Variants in LRGUK observed in about 807,000 individuals in gnomAD.
The protein encoded by LRGUK is leucine-rich repeat and guanylate kinase domain-containing protein.
A neutral mutation model predicts 76.0 loss-of-function variants in LRGUK; 65 were observed. That is an observed-to-expected ratio of 0.85 (90% confidence interval 0.70 to 1.05). The LOEUF is 1.05. Among genes scored for constraint, LRGUK ranks in the 50% least tolerant of loss-of-function variants. The probability of loss-of-function intolerance (pLI) is 0.00; values close to 1 mark genes in which losing one functional copy is unlikely to be tolerated. For missense variants in LRGUK, 758 were observed against 732.8 expected (o/e 1.03, Z -0.40); for synonymous variants, 268 against 265.6 (o/e 1.01, Z -0.09).
chr7:134,180,869 T>G (rs1799710823), intron 10 of LRGUK, among the ~76,000 whole-genome samples: 1 of 152,126 alleles, frequency 6.6e-6, no homozygotes, highest in Non-Finnish European at 1.5e-5. Flanking sequence ...AAACAGAAAC[T>G]CTGTACCCAT....
intron 19 of LRGUK, among the ~76,000 whole-genome samples, chr7:134,261,206 A>G (rs1041986356): frequency 2.0e-5 from 3 of 152,142 alleles, no homozygotes; most frequent in African/African-American, 7.2e-5. Context: ...ACTATATCAT[A>G]CTGCTGGCTC....
At chr7:134,242,039 G>A (rs2117194726) in intron 16 of LRGUK, among the ~76,000 whole-genome samples, 1 of 152,326 alleles carries the variant, frequency 6.6e-6, no homozygotes, top group African/African-American at 2.4e-5. Context: ...CAGAATCTGG[G>A]ACACATTCAA....
At chr7:134,130,324 A>C (rs1185772085) in intron 1 of LRGUK, among the ~76,000 whole-genome samples, 3 of 149,818 alleles carry the variant, frequency 2.0e-5, no homozygotes, top group African/African-American at 7.4e-5. Context: ...ATGAACCACC[A>C]GTGTACTTTG....
intron 3 of LRGUK, among the ~76,000 whole-genome samples, chr7:134,142,788 G>A (rs889371374): frequency 2.6e-5 from 4 of 152,318 alleles, no homozygotes; most frequent in African/African-American, 9.6e-5. Flanking sequence ...AGAGGCCGCA[G>A]GGATTGGTTA....
chr7:134,164,879 A>G (rs769265467), intron 7 of LRGUK, among the ~76,000 whole-genome samples: 3 of 152,186 alleles, frequency 2.0e-5, no homozygotes, highest in Non-Finnish European at 4.4e-5. Context: ...CTTGACTTGT[A>G]TATTAAGTTG....
At chr7:134,183,842 C>T (rs1226096338) in exon 11 of LRGUK, 10 of 1,613,908 alleles carry the variant, frequency 6.2e-6, no homozygotes, top group Non-Finnish European at 8.5e-6. Context: ...TTAGCACTTA[C>T]TTCAGATATG....
exon 15 of LRGUK, chr7:134,201,483 G>T (rs1316692521): frequency 1.2e-6 from 2 of 1,612,808 alleles, no homozygotes; most frequent in African/African-American, 1.3e-5. Flanking sequence ...TGCTGCAGAT[G>T]ATCTGGATGT....
At chr7:134,134,283 G>A (rs1214170837) in intron 1 of LRGUK, among the ~76,000 whole-genome samples, 1 of 152,126 alleles carries the variant, frequency 6.6e-6, no homozygotes, top group African/African-American at 2.4e-5. Context: ...TTCCAGGGTG[G>A]AGCAGTTTAG....
intron 3 of LRGUK, among the ~76,000 whole-genome samples, chr7:134,139,949 G>T (rs78839580): frequency 0.13 from 20,024 of 151,502 alleles, 1,623 homozygotes; most frequent in East Asian, 0.33. Context: ...TCTGCATTTT[G>T]AAAATCTTAT....
At chr7:134,237,158 G>C (rs1179587166) in intron 16 of LRGUK, among the ~76,000 whole-genome samples, 1 of 148,278 alleles carries the variant, frequency 6.7e-6, no homozygotes, top group Admixed American at 6.9e-5. Flanking sequence ...GGGTTCAAGT[G>C]ATTTTCCTCC....
intron 1 of LRGUK, among the ~76,000 whole-genome samples, chr7:134,130,022 C>T (rs1311325455): frequency 1.3e-5 from 2 of 151,406 alleles, no homozygotes; most frequent in Non-Finnish European, 2.9e-5. Flanking sequence ...TTGTAATGTC[C>T]TTCTGTTCAC....
chr7:134,247,709 C>A, intron 17 of LRGUK, 65 bp downstream of exon 17: 1 of 1,271,942 alleles, frequency 7.9e-7, no homozygotes, highest in Non-Finnish European at 1.1e-6. Context: ...TCAAATGAAT[C>A]CTAAATCGTG....
chr7:134,157,724 C>T (rs564520751), intron 5 of LRGUK, among the ~76,000 whole-genome samples: 26 of 152,244 alleles, frequency 1.7e-4, no homozygotes, highest in African/African-American at 5.1e-4. Flanking sequence ...GGGGTTTCAC[C>T]GTGTTAGCCA....
intron 1 of LRGUK, among the ~76,000 whole-genome samples, chr7:134,127,952 TTGTC>T (rs111389693): frequency 0.022 from 3,368 of 152,206 alleles, 114 homozygotes; most frequent in African/African-American, 0.072. Context: ...GTCTAGATAA[TTGTC>T]TGGGAATTAT....
chr7:134,223,450 C>G (rs909247608), intron 16 of LRGUK, among the ~76,000 whole-genome samples: 1 of 152,184 alleles, frequency 6.6e-6, no homozygotes, highest in Non-Finnish European at 1.5e-5. Context: ...TGGGTGCCCA[C>G]TAAACATCTA....
chr7:134,129,726 C>T (rs1472446245), intron 1 of LRGUK, among the ~76,000 whole-genome samples: 1 of 151,722 alleles, frequency 6.6e-6, no homozygotes, highest in Non-Finnish European at 1.5e-5. Context: ...CAGGCCACCT[C>T]AACCTCCCTA....
chr7:134,154,333 T>G (rs1317296953), intron 5 of LRGUK, among the ~76,000 whole-genome samples: 1 of 152,168 alleles, frequency 6.6e-6, no homozygotes, highest in African/African-American at 2.4e-5. Context: ...ACGAATAATG[T>G]TAGGAGGAAG....
rs138750221 is a variant in LRGUK at position 134,173,149 on chromosome 7, A to C, written c.940-1407A>C. ...GATAATCCAAATGGCAGACTGATGG[A>C]CAGTTTAGTCATCTTACGGAAAAAG... On this transcript the variant is annotated intron_variant, in intron 7 of 15. Coordinates refer to ENST00000645682, the Ensembl canonical transcript of LRGUK. 2.8e-4 allele frequency among the ~76,000 whole-genome samples: 43 copies of C among 152,348 alleles called. 1 individual carries two copies. Among genetic ancestry groups the C allele is most frequent in the African/African-American group, 8.7e-4 (36 of 41,596 alleles).
At chr7:134,137,794 T>C (rs918044295) in intron 2 of LRGUK, among the ~76,000 whole-genome samples, 2 of 152,150 alleles carry the variant, frequency 1.3e-5, no homozygotes, top group Non-Finnish European at 2.9e-5. Context: ...TTGTGCCTCC[T>C]TATATTGTAA....
Sources: gnomAD v4.1 joint callset for allele counts (sites outside exome capture counted in the v4.1 genomes callset) on GRCh38, gnomAD v4.1.1 for gene constraint, MANE v1.5 for transcripts, NCBI Gene and HGNC (gene_info 2026-07-23, HGNC 2026-07-21) for gene names.